The following SRCAP variants were observed in gnomAD, a reference collection of about 807,000 sequenced individuals.
SRCAP encodes chromatin remodeling protein SRCAP.
SRCAP carries 46 observed loss-of-function variants against 263.1 expected under a neutral mutation model. The ratio of observed to expected loss-of-function variants is 0.17; its 90% confidence interval spans 0.14 to 0.22. SRCAP has a LOEUF of 0.22. Ranked by LOEUF, SRCAP falls within the 10% of genes least tolerant of loss-of-function variation. The pLI is 1.00. For missense variants in SRCAP, 3,695 were observed against 4,181.9 expected (o/e 0.88, Z 3.21); for synonymous variants, 1,813 against 1,662.1 (o/e 1.09, Z -2.21).
Position 30,723,811 on chromosome 16 carries a change from T to G in SRCAP, c.4387T>G (p.Leu1463Val). The G allele has an allele frequency of 6.2e-7, 1 of 1,613,930 alleles. No homozygotes were observed. The highest frequency in any genetic ancestry group is 8.5e-7 in the Non-Finnish European group (1 of 1,179,974). Residue 1463 changes from leucine to valine, a missense_variant, in exon 25 of 34, where the codon TTG (leucine) becomes GTG (valine). By Grantham distance (32) the Leu-to-Val change is conservative (BLOSUM62 1). Transcript: ENST00000262518. ...ACTCACCATCCCCATCTCAGCCCCC[T>G]TGACTGTTTCTGCTTCGGGCCCAGC... Reference protein sequence around the residue: ...APLTIPISAPLTVSASGPALL... With the variant: ...APLTIPISAPVTVSASGPALL...
In SRCAP at chr16:30,738,825, C is replaced by T; in HGVS notation, c.8785C>T (p.Pro2929Ser). 1 of 1,614,100 alleles carries T rather than the reference C, an allele frequency of 6.2e-7. No homozygotes were observed. Among genetic ancestry groups the T allele is most frequent in the Middle Eastern group, 1.7e-4 (1 of 6,060 alleles). Residue 2929 changes from proline to serine, a missense_variant, in exon 34 of 34, where the codon CCC becomes TCC. By Grantham distance (74) the Pro-to-Ser change is moderately conservative. Around this residue, in one of 12 missense-constraint regions of SRCAP, gnomAD observed 1,207 missense variants for 1,142.9 expected, o/e 1.06. Coordinates refer to ENST00000262518, the MANE Select transcript of SRCAP (RefSeq NM_006662.3). ...LGPQPVHRPN[P>S]LLSPVEKRRR... ...ACCCCAGCCAGTTCACAGACCCAATCCCCTCCTGTCACCTGTGGAGAAAAG... is the reference window on the plus strand; with the variant it reads ...ACCCCAGCCAGTTCACAGACCCAATTCCCTCCTGTCACCTGTGGAGAAAAG...
At chr16:30,709,168 G>C (rs556982131) in intron 6 of SRCAP, among the ~76,000 whole-genome samples, 17 of 152,052 alleles carry the variant, frequency 1.1e-4, no homozygotes, top group Non-Finnish European at 2.2e-4. Flanking sequence ...GGTGATGCAT[G>C]CCTGTAGTTC....
Position 30,736,180 on chromosome 16 carries a change from TC to T in SRCAP, c.6730-19del, listed in dbSNP as rs576169158. 2.2e-4 allele frequency: 351 copies of T among 1,612,672 alleles called. No homozygotes were observed. The highest frequency in any genetic ancestry group is 4.9e-4 in the Admixed American group (29 of 59,710). ...TACTTGAAGTCTCATGTTTTCTTTT[TC>T]TTTTATACACCCTGGTAGGCATTGT... On this transcript the variant is annotated intron_variant, in intron 31 of 33. Transcript: ENST00000262518.
At chr16:30,734,099 T>C in intron 30 of SRCAP, 91 bp downstream of exon 30, 2 of 1,197,358 alleles carry the variant, frequency 1.7e-6, no homozygotes, top group Non-Finnish European at 2.4e-6. Context: ...GCTTTGGACT[T>C]TGGGAGGCTG....
chr16:30,735,136 A>ATTTTTTTTTTT (rs10532453), intron 31 of SRCAP, among the ~76,000 whole-genome samples: 23 of 106,492 alleles, frequency 2.2e-4, no homozygotes, highest in African/African-American at 1.0e-3. Flanking sequence ...AGTACAAAGC[A>ATTTTTTTTTTT]TTTTTTTTTT....
Position 30,724,383 on chromosome 16 carries a change from T to C in SRCAP, c.4959T>C (p.Pro1653=). 6.2e-7 allele frequency: 1 copy of C among 1,614,124 alleles called. No individual in the cohort carries two copies. The highest frequency in any genetic ancestry group is 8.5e-7 in the Non-Finnish European group (1 of 1,179,998). Residue 1653 remains proline (P), a synonymous_variant, in exon 25 of 34, where the codon CCT becomes CCC. Transcript: ENST00000262518. ...ASASPVPAPT[P]VLAPSSTQTM... ...CTTCACCGGTACCAGCTCCAACCCCTGTGTTGGCTCCATCATCAACTCAAA... is the reference window on the plus strand; with the variant it reads ...CTTCACCGGTACCAGCTCCAACCCCCGTGTTGGCTCCATCATCAACTCAAA...
At chr16:30,710,896 T>C in intron 9 of SRCAP, 49 bp downstream of exon 9, 1 of 1,605,006 alleles carries the variant, frequency 6.2e-7, no homozygotes, top group Non-Finnish European at 8.5e-7. Flanking sequence ...TTGAATGAAT[T>C]GTCTGGACCT....
In SRCAP at chr16:30,713,372, C is replaced by T. The variant is rs1567243366; in HGVS notation, c.2295C>T (p.Phe765=). The change falls in exon 15 of 34, where the codon TTC becomes TTT. Residue 765 remains phenylalanine (F), a synonymous_variant. Coordinates refer to ENST00000262518, the MANE Select transcript of SRCAP (RefSeq NM_006662.3). ...KSQRWQSLLN[F]NSQRRLLLTG... ...AGCGCTGGCAGTCACTCCTCAACTTCAACAGGTGGAGATGGAGATGGGGAT... is the reference window on the plus strand; with the variant it reads ...AGCGCTGGCAGTCACTCCTCAACTTTAACAGGTGGAGATGGAGATGGGGAT... 6.2e-7 allele frequency: 1 copy of T among 1,614,104 alleles called. No individual in the cohort carries two copies.
At chr16:30,734,298 G>T in intron 30 of SRCAP, 198 bp from the exon 31 acceptor site, 1 of 726,360 alleles carries the variant, frequency 1.4e-6, no homozygotes, top group Non-Finnish European at 2.2e-6. Flanking sequence ...AGTTGAGATG[G>T]CGCCATTGCA....
Position 30,704,198 on chromosome 16 carries a change from C to A in SRCAP, c.189C>A (p.Pro63=), listed in dbSNP as rs79656879. Residue 63 remains proline (P), a synonymous_variant, in exon 4 of 34, where the codon CCC becomes CCA. Transcript: ENST00000262518. ...QDSSLDGPPG[P]PDGATVPLEG... ...CCTCACTGGATGGACCTCCAGGCCC[C>A]CCAGATGGTGCCACAGTGCCCCTGG... 7.6e-5 allele frequency: 122 copies of A among 1,614,056 alleles called. 1 individual carries two copies. In the African/African-American group the frequency reaches 1.4e-3, roughly 19 times the overall value.
At position 30,737,456 on chromosome 16, in the gene SRCAP, T is replaced by C; in HGVS notation, c.7416T>C (p.Asn2472=). ...CCCCAGTACCCATTTCAGCCCCAAA[T>C]CCAATAACCATTCTCCCTGTCCATA... ...VSAPVPISAP[N]PITILPVHIL... The change falls in exon 34 of 34, where the codon AAT becomes AAC. Residue 2472 remains asparagine (N), a synonymous_variant. Coordinates refer to ENST00000262518, the MANE Select transcript of SRCAP (RefSeq NM_006662.3). 1 of 1,591,632 alleles carries C rather than the reference T, an allele frequency of 6.3e-7. No individual in the cohort carries two copies. The highest frequency in any genetic ancestry group is 8.6e-7 in the Non-Finnish European group (1 of 1,165,962).
chr16:30,732,790 G>A lies in SRCAP; in HGVS notation c.6128-490G>A, dbSNP rs534827008. The stretch of plus-strand genomic sequence containing the variant: ...GTTAGATTCTAGGCTGGAGCAGACC[G>A]AAGAGGTGAAGCCCTTAAAGGAAGA... On this transcript the variant is annotated intron_variant, in intron 27 of 33. Coordinates refer to ENST00000262518, the MANE Select transcript of SRCAP (RefSeq NM_006662.3). 7.9e-5 allele frequency among the ~76,000 whole-genome samples: 12 copies of A among 152,314 alleles called. No homozygotes were observed. In the South Asian group the frequency reaches 2.1e-3, roughly 26 times the overall value.
chr16:30,733,607 G>T lies in SRCAP; in HGVS notation c.6303G>T (p.Leu2101Phe), dbSNP rs746580292. Reference sequence around the variant, plus strand: ...TTTTTTCCCTTTCCTTCTAGGCCTTGATGGAACGGTTCAATGCAGACAAAC... The same window carrying T: ...TTTTTTCCCTTTCCTTCTAGGCCTTTATGGAACGGTTCAATGCAGACAAAC... ...GSTRVEQRQA[L>F]MERFNADKRI... The change falls in exon 29 of 34, where the codon TTG becomes TTT. Residue 2101 changes from leucine (L) to phenylalanine (F), a missense_variant. Leu to Phe is a conservative substitution (Grantham distance 22, BLOSUM62 0). Around this residue, in one of 12 missense-constraint regions of SRCAP, gnomAD observed 138 missense variants for 254.9 expected, o/e 0.54. Transcript: ENST00000262518. This position sits in a 1 kb window ranked among gnomAD's most constrained non-coding sequence, Gnocchi z 5.3. 1 of 1,612,998 alleles carries T rather than the reference G, an allele frequency of 6.2e-7. No homozygotes were observed. The highest frequency in any genetic ancestry group is 8.5e-7 in the Non-Finnish European group (1 of 1,179,210).
chr16:30,731,919 T>A (rs1596662804), intron 27 of SRCAP, among the ~76,000 whole-genome samples: 2 of 151,208 alleles, frequency 1.3e-5, no homozygotes, highest in Non-Finnish European at 2.9e-5. Context: ...CTGAGGTGAG[T>A]GGATCACTTG....
intron 13 of SRCAP, 23 bp downstream of exon 13, chr16:30,712,462 T>G: frequency 3.9e-6 from 6 of 1,549,590 alleles, no homozygotes; most frequent in Non-Finnish European, 5.2e-6. Context: ...GGCCCCTTCT[T>G]TTGTTCCCCC....
chr16:30,736,433 C>A, intron 32 of SRCAP, 39 bp downstream of exon 32: 1 of 1,604,784 alleles, frequency 6.2e-7, no homozygotes, highest in Non-Finnish European at 8.5e-7. Flanking sequence ...TTTACTGCTT[C>A]CCCTGGGCTT....
At chr16:30,713,859 C>A in intron 16 of SRCAP, 148 bp downstream of exon 16, 1 of 681,686 alleles carries the variant, frequency 1.5e-6, no homozygotes, top group Non-Finnish European at 2.5e-6. Context: ...AGTGACTAAC[C>A]CATTGCCAGA....
chr16:30,708,938 C>T (rs1182429223), intron 6 of SRCAP, among the ~76,000 whole-genome samples: 1 of 152,156 alleles, frequency 6.6e-6, no homozygotes, highest in Admixed American at 6.5e-5. Context: ...CCTGCCTCTG[C>T]CTCCGGAGTA....
rs571228447 is a variant in SRCAP at position 30,720,163 on chromosome 16, G to T, written c.2819G>T (p.Arg940Leu). The part of the protein sequence containing the change: ...LRATDVHPLQ[R>L]IDMGRFDLIG... The stretch of plus-strand genomic sequence containing the variant: ...ACTGTGCTTTCTTTCTTGTGGCAGC[G>T]GATAGACATGGGTCGATTTGACCTT... The change falls in exon 19 of 34, where the codon CGG becomes CTG. Residue 940 changes from arginine (R) to leucine (L), a missense_variant and splice_region_variant. Arg to Leu is a moderately radical substitution (Grantham distance 102). This residue lies in a region of SRCAP where 147 missense variants were observed against 212.7 expected (regional missense o/e 0.69). Coordinates refer to ENST00000262518, the MANE Select transcript of SRCAP (RefSeq NM_006662.3). 1 of 1,602,168 alleles carries T rather than the reference G, an allele frequency of 6.2e-7. No individual in the cohort carries two copies. Among genetic ancestry groups the T allele is most frequent in the Admixed American group, 1.7e-5 (1 of 59,688 alleles).
Sources: gnomAD v4.1 joint callset for allele counts (sites outside exome capture counted in the v4.1 genomes callset) on GRCh38, gnomAD v4.1.1 for gene constraint, gnomAD v4.1.1 regional missense constraint, Gnocchi (gnomAD v3.1) non-coding constraint, MANE v1.5 for transcripts, NCBI Gene and HGNC (gene_info 2026-07-23, HGNC 2026-07-21) for gene names.